The following NXPH1 variants were observed in gnomAD, a reference collection of about 807,000 sequenced individuals.
NXPH1 encodes the protein neurexophilin-1.
NXPH1 carries 5 observed loss-of-function variants against 23.7 expected under a neutral mutation model. The observed-to-expected ratio is 0.21, with a 90% CI of 0.11 to 0.44. The LOEUF (loss-of-function observed/expected upper bound fraction) is 0.44, where lower values mean the gene tolerates loss of function less well. NXPH1 is among the 20% of genes least tolerant of loss of function. NXPH1 has a pLI of 0.99. For missense variants in NXPH1, 324 were observed against 321.6 expected, an observed-to-expected ratio of 1.01 and a Z score of -0.06; for synonymous variants, 144 against 122.2, an observed-to-expected ratio of 1.18 and a Z score of -1.18.
chr7:8,709,513 A>T (rs1779754410), intron 2 of NXPH1, among the ~76,000 whole-genome samples: 1 of 152,120 alleles, frequency 6.6e-6, no homozygotes, highest in Admixed American at 6.5e-5. Flanking sequence ...CATTATGAAG[A>T]TTTTTGAGGC....
chr7:8,744,851 T>C (rs1780441191), intron 2 of NXPH1, among the ~76,000 whole-genome samples: 1 of 152,234 alleles, frequency 6.6e-6, no homozygotes, highest in Non-Finnish European at 1.5e-5. Flanking sequence ...ATCCATCATT[T>C]CTTCCTCTTT....
At chr7:8,476,518 A>G (rs976394718) in intron 2 of NXPH1, among the ~76,000 whole-genome samples, 5 of 150,730 alleles carry the variant, frequency 3.3e-5, no homozygotes, top group Non-Finnish European at 7.4e-5. Context: ...TTTCCCTCAT[A>G]TTCATATGAG....
intron 2 of NXPH1, among the ~76,000 whole-genome samples, chr7:8,542,886 G>A (rs1355180323): frequency 6.6e-6 from 1 of 151,544 alleles, no homozygotes. Flanking sequence ...AAATATACAT[G>A]TACTTTGGAT....
chr7:8,521,089 A>G (rs1338474323), intron 2 of NXPH1, among the ~76,000 whole-genome samples: 1 of 152,110 alleles, frequency 6.6e-6, no homozygotes, highest in Non-Finnish European at 1.5e-5. Context: ...CCATCAATAA[A>G]TACTTCCTAG....
chr7:8,649,955 G>A (rs1400220886), intron 2 of NXPH1, among the ~76,000 whole-genome samples: 1 of 152,100 alleles, frequency 6.6e-6, no homozygotes, highest in Non-Finnish European at 1.5e-5. Flanking sequence ...ATTAAGGAGG[G>A]ACTGAAATAC....
At chr7:8,666,583 T>C (rs1184924776) in intron 2 of NXPH1, among the ~76,000 whole-genome samples, 2 of 152,114 alleles carry the variant, frequency 1.3e-5, no homozygotes, top group African/African-American at 2.4e-5. Context: ...TTCTTTAATT[T>C]ATTGGAAGAC....
At chr7:8,459,856 A>T (rs1250922658) in intron 2 of NXPH1, among the ~76,000 whole-genome samples, 1 of 152,216 alleles carries the variant, frequency 6.6e-6, no homozygotes, top group African/African-American at 2.4e-5. Flanking sequence ...GCACGAATGA[A>T]TTCGTGAATG....
At chr7:8,683,891 G>T (rs545361085) in intron 2 of NXPH1, among the ~76,000 whole-genome samples, 2 of 152,230 alleles carry the variant, frequency 1.3e-5, no homozygotes, top group African/African-American at 4.8e-5. Context: ...TAGAGACATT[G>T]CTATAAAATG....
intron 2 of NXPH1, among the ~76,000 whole-genome samples, chr7:8,609,997 T>C (rs1201189385): frequency 6.6e-6 from 1 of 152,160 alleles, no homozygotes; most frequent in Admixed American, 6.6e-5. Flanking sequence ...CTTTTGGACA[T>C]GGTAAGAGTT....
intron 2 of NXPH1, among the ~76,000 whole-genome samples, chr7:8,662,865 A>G (rs1339615693): frequency 2.0e-5 from 3 of 152,114 alleles, no homozygotes; most frequent in Non-Finnish European, 4.4e-5. Context: ...TCATTATTCA[A>G]TGCTTGGAAG....
At chr7:8,570,398 G>T (rs1264561480) in intron 2 of NXPH1, among the ~76,000 whole-genome samples, 1 of 151,940 alleles carries the variant, frequency 6.6e-6, no homozygotes, top group Non-Finnish European at 1.5e-5. Context: ...GTGTCATTGT[G>T]AAGTGAGGGA....
At chr7:8,732,085 G>A (rs1329320244) in intron 2 of NXPH1, among the ~76,000 whole-genome samples, 2 of 152,256 alleles carry the variant, frequency 1.3e-5, no homozygotes, top group Non-Finnish European at 2.9e-5. Context: ...CAATATTCGG[G>A]TGGGAGTGAC....
intron 2 of NXPH1, among the ~76,000 whole-genome samples, chr7:8,588,260 A>C (rs1819019314): frequency 6.6e-6 from 1 of 152,182 alleles, no homozygotes; most frequent in African/African-American, 2.4e-5. Context: ...ATATACCCAA[A>C]GGGTTACAAA....
At chr7:8,524,725 A>G (rs533878100) in intron 2 of NXPH1, among the ~76,000 whole-genome samples, 1 of 152,248 alleles carries the variant, frequency 6.6e-6, no homozygotes, top group South Asian at 2.1e-4. Context: ...AATAAGTCTC[A>G]TGAGATCTGA....
intron 2 of NXPH1, among the ~76,000 whole-genome samples, chr7:8,501,499 T>C (rs1366354640): frequency 6.6e-6 from 1 of 152,008 alleles, no homozygotes; most frequent in Non-Finnish European, 1.5e-5. Context: ...ATGTAAAAAA[T>C]TTCATAGTGA....
chr7:8,599,105 A>G (rs1819296511), intron 2 of NXPH1, among the ~76,000 whole-genome samples: 1 of 152,192 alleles, frequency 6.6e-6, no homozygotes. Context: ...TAACTCAAAT[A>G]CAATGTAGAA....
At chr7:8,694,195 T>C (rs978727171) in intron 2 of NXPH1, among the ~76,000 whole-genome samples, 2 of 152,138 alleles carry the variant, frequency 1.3e-5, no homozygotes, top group African/African-American at 2.4e-5. Context: ...CTGCATGTCA[T>C]GAAAGTGCTC....
chr7:8,739,464 C>G (rs1274272142), intron 2 of NXPH1, among the ~76,000 whole-genome samples: 7 of 152,200 alleles, frequency 4.6e-5, no homozygotes, highest in Non-Finnish European at 1.0e-4. Context: ...TGATTGCCTT[C>G]CATGGGCTGC....
Position 8,435,776 on chromosome 7 carries a change from T to C in NXPH1, c.54+9T>C. The C allele has an allele frequency of 6.2e-7, 1 of 1,613,804 alleles. No individual in the cohort carries two copies. Among genetic ancestry groups the C allele is most frequent in the South Asian group, 1.1e-5 (1 of 91,056 alleles). On this transcript the variant is annotated intron_variant, in intron 2 of 2. Coordinates refer to ENST00000405863, the MANE Select transcript of NXPH1 (RefSeq NM_152745.3). The surrounding 1 kb of genome is among the most constrained non-coding windows in gnomAD (Gnocchi z 5.9). ...AGCCCACCGTCTACTTGGTAAGTCTTGGAAGGTTCGGGGCTTTCGCATTTT... is the reference window on the plus strand; with the variant it reads ...AGCCCACCGTCTACTTGGTAAGTCTCGGAAGGTTCGGGGCTTTCGCATTTT...
Sources: allele counts gnomAD v4.1 joint callset (sites outside exome capture counted in the v4.1 genomes callset), GRCh38; gene constraint gnomAD v4.1.1; non-coding constraint Gnocchi (gnomAD v3.1); transcripts MANE v1.5; gene names NCBI Gene and HGNC (gene_info 2026-07-23, HGNC 2026-07-21).